Variants in WTAP observed in about 807,000 individuals in gnomAD.
WTAP encodes pre-mRNA-splicing regulator WTAP.
WTAP carries 8 observed loss-of-function variants against 50.0 expected under a neutral mutation model. The observed-to-expected ratio is 0.16, with a 90% CI of 0.09 to 0.29. The LOEUF (loss-of-function observed/expected upper bound fraction) is 0.29. WTAP is among the 10% of genes least tolerant of loss of function. The probability of loss-of-function intolerance (pLI) is 1.00; values close to 1 mark genes in which losing one functional copy is unlikely to be tolerated. For missense variants in WTAP, 295 were observed against 470.7 expected (o/e 0.63, Z 3.45); for synonymous variants, 194 against 169.0 (o/e 1.15, Z -1.15).
Position 159,755,765 on chromosome 6 carries a change from C to CT in WTAP, c.*179dup. On this transcript the variant is annotated 3_prime_UTR_variant, in exon 8 of 8. Coordinates refer to ENST00000621533, the MANE Select transcript of WTAP (RefSeq NM_001270531.2). The stretch of plus-strand genomic sequence containing the variant: ...TTTTTCTTTGTTTTTTTTTTCTTTT[C>CT]TTTTTTTTTTTTTTTTTTTTTTTTT... 18,586 of 172,252 alleles carry CT rather than the reference C, an allele frequency of 0.11. 141 individuals are homozygous for CT. Among genetic ancestry groups the CT allele is most frequent in the Middle Eastern group, 0.15 (59 of 384 alleles). 10.7% of individuals were successfully genotyped at this position (172,252 alleles called of 1,614,324 possible).
intron 2 of WTAP, among the ~76,000 whole-genome samples, chr6:159,737,162 C>T (rs1778971663): frequency 6.6e-6 from 1 of 152,116 alleles, no homozygotes; most frequent in Non-Finnish European, 1.5e-5. Context: ...ATCATCCCAC[C>T]TCGGCCTCCT....
chr6:159,747,504 G>A (rs1390736426), intron 5 of WTAP, among the ~76,000 whole-genome samples: 1 of 152,066 alleles, frequency 6.6e-6, no homozygotes, highest in Non-Finnish European at 1.5e-5. Flanking sequence ...ACTTTATTTT[G>A]GCTTAAGGTC....
intron 5 of WTAP, among the ~76,000 whole-genome samples, chr6:159,747,487 G>T (rs1314465375): frequency 2.0e-5 from 3 of 152,118 alleles, no homozygotes; most frequent in African/African-American, 7.2e-5. Context: ...GGAAAAATAT[G>T]AATTATACTT....
rs552691754 is a variant in WTAP at position 159,735,683 on chromosome 6, A to T, written c.-8-575A>T. 4.9e-4 allele frequency among the ~76,000 whole-genome samples: 74 copies of T among 152,194 alleles called. No individual in the cohort carries two copies. In the East Asian group the frequency reaches 7.7e-3, roughly 16 times the overall value. On this transcript the variant is annotated intron_variant, in intron 1 of 7. Coordinates refer to ENST00000621533, the MANE Select transcript of WTAP (RefSeq NM_001270531.2). ...AGAATTGCTTGAACCCTGGAGGCGG[A>T]GGTTGCAGTGACCTGAGATCGCGCC... is the stretch of plus-strand genomic sequence containing the variant.
At chr6:159,753,027 G>T (rs980646031) in intron 6 of WTAP, among the ~76,000 whole-genome samples, 3 of 152,102 alleles carry the variant, frequency 2.0e-5, no homozygotes, top group African/African-American at 7.2e-5. Flanking sequence ...TTATTTGTAG[G>T]TACTGATTTT....
rs972365381 is a variant in WTAP, at chr6:159,733,871, G to A, written c.-8-2387G>A. Among the ~76,000 whole-genome samples the A allele has an allele frequency of 6.6e-5, 10 of 152,260 alleles. No homozygotes were observed. The East Asian group carries it at 1.7e-3, about 26-fold the overall frequency. ...GCGGAGGTTGCGGTGAGCCGAGATC[G>A]CGCCGTTGCACTCCACCCCGGGCAA... On this transcript the variant is annotated intron_variant, in intron 1 of 7. Transcript: ENST00000621533.
At chr6:159,736,799 C>T (rs1231667816) in intron 2 of WTAP, 1 of 152,994 alleles carries the variant, frequency 6.5e-6, no homozygotes, top group Admixed American at 6.5e-5. Context: ...TTGTGCATTC[C>T]TACCTTGAGT....
chr6:159,751,553 G>A (rs1355446777), intron 6 of WTAP, among the ~76,000 whole-genome samples: 1 of 152,220 alleles, frequency 6.6e-6, no homozygotes, highest in Non-Finnish European at 1.5e-5. Flanking sequence ...GCCTGAGAGT[G>A]CTGATGGGAA....
upstream of WTAP, chr6:159,727,413 C>G: frequency 1.3e-6 from 1 of 760,868 alleles, no homozygotes; most frequent in Non-Finnish European, 1.7e-6. Flanking sequence ...GGCAGTGGCG[C>G]TGGCCTGCGG....
intron 3 of WTAP, among the ~76,000 whole-genome samples, chr6:159,740,224 C>T (rs1779170068): frequency 1.3e-5 from 2 of 151,808 alleles, no homozygotes; most frequent in East Asian, 1.9e-4. Flanking sequence ...TTAGTCTGTG[C>T]AGTCATTTTT....
chr6:159,730,693 G>A (rs975171200), intron 1 of WTAP, among the ~76,000 whole-genome samples: 3 of 152,170 alleles, frequency 2.0e-5, no homozygotes, highest in Non-Finnish European at 1.5e-5. Flanking sequence ...TCTAAATACT[G>A]AGGCTCTGAA....
rs931322968 is a variant in WTAP, at chr6:159,748,979, C to G, written c.452+610C>G. 1.7e-5 allele frequency: 18 copies of G among 1,046,618 alleles called. No individual in the cohort carries two copies. Among genetic ancestry groups the G allele is most frequent in the South Asian group, 9.2e-5 (2 of 21,842 alleles). 64.8% of individuals were successfully genotyped at this position (1,046,618 alleles called of 1,614,324 possible). A position where few individuals can be genotyped will look rare whatever the true frequency, so the allele number is the denominator to read the frequency against. On this transcript the variant is annotated intron_variant, in intron 6 of 7. Coordinates refer to ENST00000621533, the MANE Select transcript of WTAP (RefSeq NM_001270531.2). This position sits in a 1 kb window ranked among gnomAD's most constrained non-coding sequence, Gnocchi z 5.6. ...GGTTTATTTGCTGAGAACCAACTTT[C>G]AATAGTCATGAGAGAATCAAATAAT...
chr6:159,732,886 AGTGTGTGTGTGTGTGT>A (rs67554039), intron 1 of WTAP, among the ~76,000 whole-genome samples: 1 of 146,348 alleles, frequency 6.8e-6, no homozygotes, highest in Non-Finnish European at 1.5e-5. Flanking sequence ...ATATATATAT[AGTGTGTGTGTGTGTGT>A]GTGTGTGTGT....
rs145715271 is a variant in WTAP, at chr6:159,751,674, G to C, written c.453-1786G>C. Among the ~76,000 whole-genome samples, 6 of 152,252 alleles carry C rather than the reference G, an allele frequency of 3.9e-5. No homozygotes were observed. In the South Asian group the frequency reaches 1.2e-3, roughly 32 times the overall value. On this transcript the variant is annotated intron_variant, in intron 6 of 7. Transcript: ENST00000621533. ...ATGCTCACTGGTGGCTTTCACCCTCGGGCTCCTCTGAGCAGTAGTAACCCA... is the reference window on the plus strand; with the variant it reads ...ATGCTCACTGGTGGCTTTCACCCTCCGGCTCCTCTGAGCAGTAGTAACCCA...
At chr6:159,734,105 T>G (rs1778757387) in intron 1 of WTAP, among the ~76,000 whole-genome samples, 1 of 152,216 alleles carries the variant, frequency 6.6e-6, no homozygotes, top group African/African-American at 2.4e-5. Flanking sequence ...AACATGCTGT[T>G]GGAAGATTAT....
rs1395757040 is a variant in WTAP, at chr6:159,755,213, G to A, written c.793G>A (p.Ala265Thr). 5 of 1,614,046 alleles carry A rather than the reference G, an allele frequency of 3.1e-6. No individual in the cohort carries two copies. Among genetic ancestry groups the A allele is most frequent in the Admixed American group, 3.3e-5 (2 of 60,004 alleles). The change falls in exon 8 of 8, where the codon GCC (alanine) becomes ACC (threonine). Residue 265 changes from alanine to threonine, a missense_variant. Ala to Thr is a moderately conservative substitution (Grantham distance 58). This residue lies in a region of WTAP where 175 missense variants were observed against 183.1 expected (regional missense o/e 0.96). Coordinates refer to ENST00000621533, the MANE Select transcript of WTAP (RefSeq NM_001270531.2). ...TTCTGAACCTGTAGAACAGTCAGAG[G>A]CCACAAGTAAAGACTGCAGTCGTCT... is the stretch of plus-strand genomic sequence containing the variant. ...TASEPVEQSEATSKDCSRLTN... is the reference protein window; with the variant it reads ...TASEPVEQSETTSKDCSRLTN...
intron 1 of WTAP, among the ~76,000 whole-genome samples, chr6:159,731,422 C>T (rs964671567): frequency 2.0e-5 from 3 of 151,982 alleles, no homozygotes; most frequent in African/African-American, 4.8e-5. Flanking sequence ...GAGCTGTGAT[C>T]GAGTCACTGC....
chr6:159,731,580 GATT>G (rs1778572647), intron 1 of WTAP, among the ~76,000 whole-genome samples: 2 of 152,228 alleles, frequency 1.3e-5, no homozygotes, highest in Non-Finnish European at 2.9e-5. Context: ...AGGACAGTAT[GATT>G]ATTATCCTCA....
intron 4 of WTAP, among the ~76,000 whole-genome samples, chr6:159,742,813 T>C (rs1013386468): frequency 1.3e-5 from 2 of 151,802 alleles, no homozygotes; most frequent in Admixed American, 6.6e-5. Context: ...CCCAGCACTT[T>C]GGGAGGCCAA....
Sources: gnomAD v4.1 joint callset for allele counts (sites outside exome capture counted in the v4.1 genomes callset) on GRCh38, gnomAD v4.1.1 for gene constraint, gnomAD v4.1.1 regional missense constraint, Gnocchi (gnomAD v3.1) non-coding constraint, MANE v1.5 for transcripts, NCBI Gene and HGNC (gene_info 2026-07-23, HGNC 2026-07-21) for gene names.